The following MICAL2 variants were observed in gnomAD, a reference collection of about 807,000 sequenced individuals.
MICAL2 encodes the protein [F-actin]-monooxygenase MICAL2.
In MICAL2, 77 loss-of-function variants were observed where a neutral mutation model predicts 127.3. The observed-to-expected ratio is 0.60, with a 90% CI of 0.50 to 0.73. The LOEUF (loss-of-function observed/expected upper bound fraction) is 0.73. Among genes scored for constraint, MICAL2 ranks in the 30% least tolerant of loss-of-function variants. MICAL2 has a pLI of 0.00. For synonymous variants in MICAL2, 570 were observed against 551.1 expected, an observed-to-expected ratio of 1.03 and a Z score of -0.48; for missense variants, 1,351 against 1,434.4, an observed-to-expected ratio of 0.94 and a Z score of 0.94.
At chr11:12,343,511 G>T (rs77236152) in intron 32 of MICAL2, among the ~76,000 whole-genome samples, 2,281 of 151,928 alleles carry the variant, frequency 0.015, 53 homozygotes, top group African/African-American at 0.046. Context: ...CAAGTACAGT[G>T]TCAAGGGGAA....
chr11:12,352,261 AT>A (rs1939062381), intron 33 of MICAL2, among the ~76,000 whole-genome samples: 1 of 152,250 alleles, frequency 6.6e-6, no homozygotes, highest in Non-Finnish European at 1.5e-5. Context: ...TAAAAAATTT[AT>A]CAAGCACATT....
intron 3 of MICAL2, among the ~76,000 whole-genome samples, chr11:12,194,232 T>C (rs4757260): frequency 0.97 from 147,441 of 152,310 alleles, 71,578 homozygotes; most frequent in Non-Finnish European, 1. Flanking sequence ...ATCTCTATGG[T>C]GCAATGGTTA....
At chr11:12,113,735 A>G (rs1849776562) in intron 1 of MICAL2, among the ~76,000 whole-genome samples, 1 of 152,130 alleles carries the variant, frequency 6.6e-6, no homozygotes, top group South Asian at 2.1e-4. Context: ...AGAAAACTTA[A>G]TCGCTCCTGT....
chr11:12,144,111 C>G (rs1050205812), intron 2 of MICAL2, among the ~76,000 whole-genome samples: 1 of 152,114 alleles, frequency 6.6e-6, no homozygotes, highest in Admixed American at 6.5e-5. Context: ...ACCAATAAAC[C>G]AGAGAGTGAT....
At chr11:12,327,309 G>C (rs1046633335) in intron 32 of MICAL2, 5 of 1,495,784 alleles carry the variant, frequency 3.3e-6, no homozygotes, top group Non-Finnish European at 4.5e-6. Flanking sequence ...CATGGTCTGA[G>C]AATAGTGCTA....
At chr11:12,167,411 G>C (rs942456451) in intron 3 of MICAL2, among the ~76,000 whole-genome samples, 2 of 152,184 alleles carry the variant, frequency 1.3e-5, no homozygotes, top group African/African-American at 4.8e-5. Context: ...ACGGCCCTAT[G>C]GTCCCCAGTT....
downstream of MICAL2, among the ~76,000 whole-genome samples, chr11:12,291,097 G>A (rs150680099): frequency 4.4e-3 from 671 of 152,292 alleles, 6 homozygotes; most frequent in Non-Finnish European, 6.1e-3. Flanking sequence ...GAGTGGACTC[G>A]TTCCACGTGG....
chr11:12,131,747 C>G (rs1851434657), intron 1 of MICAL2, among the ~76,000 whole-genome samples: 1 of 152,174 alleles, frequency 6.6e-6, no homozygotes, highest in African/African-American at 2.4e-5. Context: ...TGGGTATGTC[C>G]TAGCTCTGTT....
At chr11:12,313,096 A>T (rs960787941) in intron 29 of MICAL2, among the ~76,000 whole-genome samples, 8 of 133,712 alleles carry the variant, frequency 6.0e-5, no homozygotes, top group African/African-American at 1.9e-4. Flanking sequence ...TGAACCGGAG[A>T]GGCGGAGCTT....
intron 33 of MICAL2, among the ~76,000 whole-genome samples, chr11:12,350,958 C>T (rs1186557565): frequency 1.3e-5 from 2 of 152,164 alleles, no homozygotes; most frequent in Admixed American, 6.5e-5. Flanking sequence ...TCCAGGCTTT[C>T]CTGAGTTTGT....
intron 5 of MICAL2, 131 bp downstream of exon 5, chr11:12,208,270 G>T: frequency 3.1e-6 from 2 of 649,606 alleles, no homozygotes; most frequent in Non-Finnish European, 5.1e-6. Flanking sequence ...GCCACTGAAG[G>T]GTATTTTACT....
chr11:12,163,023 C>T (rs1855020587), intron 3 of MICAL2, among the ~76,000 whole-genome samples: 1 of 152,168 alleles, frequency 6.6e-6, no homozygotes, highest in Non-Finnish European at 1.5e-5. Flanking sequence ...CTCTTCCTCC[C>T]TGTCTCTTTC....
chr11:12,354,674 C>CAGTCT (rs1939104230), intron 33 of MICAL2: 2 of 793,670 alleles, frequency 2.5e-6, no homozygotes, highest in East Asian at 2.7e-5. Context: ...GCTAAAACTC[C>CAGTCT]AGTCTTAATT....
intron 32 of MICAL2, among the ~76,000 whole-genome samples, chr11:12,345,557 A>G (rs1938941556): frequency 6.6e-6 from 1 of 152,234 alleles, no homozygotes; most frequent in African/African-American, 2.4e-5. Context: ...TGTCAGCTGG[A>G]TAAAATATTC....
rs562601292 is a variant in MICAL2 at position 12,281,723 on chromosome 11, A to C, written c.254+624A>C. Among the ~76,000 whole-genome samples, 5 of 152,318 alleles carry C rather than the reference A, an allele frequency of 3.3e-5. No individual in the cohort carries two copies. The South Asian group carries it at 8.3e-4, about 25-fold the overall frequency. On this transcript the variant is annotated intron_variant, in intron 2 of 2. Transcript: ENST00000529028. ...GCGAAGCCTGTTTCACAGGTGAGCA[A>C]ACAGGCTGAGTGGTCTCCCGAAGTC...
chr11:12,323,111 C>A (rs750742902), intron 30 of MICAL2, among the ~76,000 whole-genome samples: 4 of 152,112 alleles, frequency 2.6e-5, no homozygotes, highest in Non-Finnish European at 5.9e-5. Flanking sequence ...CCTGAACTTT[C>A]CAGTATGTGG....
At chr11:12,174,268 AC>A (rs1312938720) in intron 3 of MICAL2, among the ~76,000 whole-genome samples, 1 of 152,148 alleles carries the variant, frequency 6.6e-6, no homozygotes, top group Non-Finnish European at 1.5e-5. Context: ...ATTGTGGTAC[AC>A]CCATTACTAT....
chr11:12,133,377 C>T (rs988745720), intron 1 of MICAL2, among the ~76,000 whole-genome samples: 11 of 152,104 alleles, frequency 7.2e-5, no homozygotes, highest in Admixed American at 6.5e-4. Flanking sequence ...CCACTGTGCC[C>T]GGCCATTTTT....
At position 12,162,064 on chromosome 11, in the gene MICAL2, C is replaced by T; in HGVS notation, c.-77-15C>T. On this transcript the variant is annotated splice_polypyrimidine_tract_variant and intron_variant, in intron 2 of 27. Transcript: ENST00000683283. ...ATCGTCCAAAGCTGACCTCTGCCTC[C>T]CCCTACTTTCACAGGTGTGACGTTT... 6.4e-7 allele frequency: 1 copy of T among 1,564,904 alleles called. No homozygotes were observed. The highest frequency in any genetic ancestry group is 1.2e-5 in the South Asian group (1 of 83,700).
Sources: gnomAD v4.1 joint callset for allele counts (sites outside exome capture counted in the v4.1 genomes callset) on GRCh38, gnomAD v4.1.1 for gene constraint, MANE v1.5 for transcripts, NCBI Gene and HGNC (gene_info 2026-07-23, HGNC 2026-07-21) for gene names.